SV2C: variants seen among roughly 807,000 people sequenced by gnomAD.
SV2C encodes the protein solute carrier family 22 member B3.
Under a neutral mutation model 79.7 loss-of-function variants are expected in SV2C, and 49 were observed. The ratio of observed to expected loss-of-function variants is 0.61; its 90% CI spans 0.49 to 0.78. The LOEUF (loss-of-function observed/expected upper bound fraction) is 0.78. SV2C is among the 30% of genes least tolerant of loss of function. The pLI is 0.00. For synonymous variants in SV2C, 334 were observed against 333.2 expected (o/e 1.00, Z -0.03); for missense variants, 833 against 912.9 (o/e 0.91, Z 1.13).
chr5:76,177,091 G>A (rs6414967), intron 2 of SV2C, among the ~76,000 whole-genome samples: 102,693 of 148,794 alleles, frequency 0.69, 36,600 homozygotes, highest in East Asian at 0.97. Flanking sequence ...CTCCAGCCTG[G>A]GCGACAGAGC....
At chr5:76,228,331 C>T (rs1333203726) in intron 4 of SV2C, among the ~76,000 whole-genome samples, 9 of 152,102 alleles carry the variant, frequency 5.9e-5, no homozygotes, top group South Asian at 2.1e-4. Flanking sequence ...GGTTGAAGTG[C>T]GACAGGGCAG....
At chr5:76,040,493 A>G in the SV2C span, among the ~76,000 whole-genome samples, 2 of 152,256 alleles carry the variant, frequency 1.3e-5, no homozygotes, top group African/African-American at 4.8e-5. Flanking sequence ...CATGTGCCAA[A>G]TTAGAATATT....
chr5:76,290,939 T>C (rs985413882), intron 6 of SV2C, among the ~76,000 whole-genome samples: 5 of 152,232 alleles, frequency 3.3e-5, no homozygotes, highest in African/African-American at 9.6e-5. Flanking sequence ...TCTGTAGTAA[T>C]GGTTCAGGGA....
At chr5:75,850,369 A>T in the SV2C span, among the ~76,000 whole-genome samples, 6 of 152,194 alleles carry the variant, frequency 3.9e-5, no homozygotes, top group Non-Finnish European at 7.4e-5. Flanking sequence ...TCAATTTGTT[A>T]TATATTTGCA....
At chr5:76,131,508 T>A (rs1748887206) in intron 1 of SV2C, 142 bp from the exon 2 acceptor site, 3 of 277,940 alleles carry the variant, frequency 1.1e-5, no homozygotes, top group African/African-American at 4.8e-5. Context: ...GTATATACAG[T>A]GAGATCAAAA....
At chr5:76,134,754 TTAGAG>T (rs1749013591) in intron 2 of SV2C, among the ~76,000 whole-genome samples, 1 of 152,098 alleles carries the variant, frequency 6.6e-6, no homozygotes, top group Admixed American at 6.5e-5. Context: ...CCAGAAGAAG[TTAGAG>T]TAAATATTTA....
the SV2C span, among the ~76,000 whole-genome samples, chr5:75,992,836 C>T: frequency 6.6e-6 from 1 of 152,068 alleles, no homozygotes; most frequent in East Asian, 1.9e-4. Flanking sequence ...ATGTCAGCAC[C>T]ACTGCTTTTG....
chr5:76,037,471 A>T, the SV2C span, among the ~76,000 whole-genome samples: 1 of 151,764 alleles, frequency 6.6e-6, no homozygotes, highest in Non-Finnish European at 1.5e-5. Context: ...AACAGACAGG[A>T]CCCTCAGCTG....
chr5:75,890,539 C>T, the SV2C span, among the ~76,000 whole-genome samples: 4 of 152,136 alleles, frequency 2.6e-5, no homozygotes, highest in South Asian at 8.3e-4. Flanking sequence ...GGAAAAAGAA[C>T]ATCAGAAGTT....
chr5:76,231,440 A>T (rs58021588), intron 4 of SV2C, among the ~76,000 whole-genome samples: 17,856 of 151,046 alleles, frequency 0.12, 3,042 homozygotes, highest in African/African-American at 0.38. Context: ...TTATTTATTT[A>T]TTTTTTTTTA....
intron 4 of SV2C, among the ~76,000 whole-genome samples, chr5:76,239,685 C>A (rs1561279029): frequency 6.6e-6 from 1 of 152,176 alleles, no homozygotes; most frequent in Non-Finnish European, 1.5e-5. Flanking sequence ...GCTTGAGTGT[C>A]CTCACTATTA....
At chr5:76,032,729 G>A in the SV2C span, among the ~76,000 whole-genome samples, 1 of 152,208 alleles carries the variant, frequency 6.6e-6, no homozygotes, top group South Asian at 2.1e-4. Context: ...TGTCTTTAGA[G>A]CAGCATGATT....
chr5:75,924,272 G>A, the SV2C span, among the ~76,000 whole-genome samples: 1 of 151,932 alleles, frequency 6.6e-6, no homozygotes, highest in Admixed American at 6.6e-5. Flanking sequence ...TTGGGAGGGG[G>A]ATGAGGGATA....
the SV2C span, among the ~76,000 whole-genome samples, chr5:76,041,268 T>G: frequency 0.011 from 1,635 of 152,354 alleles, 21 homozygotes; most frequent in Non-Finnish European, 0.015. Context: ...CAGGTTCAAA[T>G]GTAAAACCTC....
chr5:75,875,416 A>G, the SV2C span, among the ~76,000 whole-genome samples: 2 of 152,164 alleles, frequency 1.3e-5, no homozygotes, highest in African/African-American at 4.8e-5. Flanking sequence ...CTTACACTAT[A>G]CACAAAAATC....
chr5:76,346,169 G>A (rs994197488), intron 12 of SV2C, among the ~76,000 whole-genome samples: 1 of 152,122 alleles, frequency 6.6e-6, no homozygotes, highest in Non-Finnish European at 1.5e-5. Flanking sequence ...TCATTCTATA[G>A]TATTTCCACC....
At chr5:76,141,322 G>A (rs1749243410) in intron 2 of SV2C, among the ~76,000 whole-genome samples, 1 of 152,096 alleles carries the variant, frequency 6.6e-6, no homozygotes, top group Non-Finnish European at 1.5e-5. Context: ...GAACCTGAAG[G>A]CAGATTTCTC....
chr5:75,900,377 T>A, the SV2C span, among the ~76,000 whole-genome samples: 1 of 152,242 alleles, frequency 6.6e-6, no homozygotes, highest in African/African-American at 2.4e-5. Context: ...TCTTTAAGAA[T>A]GTTGAATATT....
chr5:76,037,244 TC>T, the SV2C span, among the ~76,000 whole-genome samples: 1 of 152,226 alleles, frequency 6.6e-6, no homozygotes, highest in South Asian at 2.1e-4. Context: ...TTCTCTCAGC[TC>T]GTCAAAGTCA....
Sources: allele counts gnomAD v4.1 joint callset (sites outside exome capture counted in the v4.1 genomes callset), GRCh38; gene constraint gnomAD v4.1.1; transcripts MANE v1.5; gene names NCBI Gene and HGNC (gene_info 2026-07-23, HGNC 2026-07-21).